Variants in UBE2E2 observed in about 807,000 individuals in gnomAD.
UBE2E2 encodes ubiquitin-conjugating enzyme E2 E2.
In UBE2E2, 6 loss-of-function variants were observed where a neutral mutation model predicts 24.7. The ratio of observed to expected loss-of-function variants is 0.24; its 90% CI spans 0.13 to 0.48. The LOEUF (loss-of-function observed/expected upper bound fraction) is 0.48, where lower values mean the gene tolerates loss of function less well. Ranked by LOEUF, UBE2E2 falls within the 20% of genes least tolerant of loss-of-function variation. The pLI is 0.99. For missense variants in UBE2E2, 169 were observed against 245.0 expected (o/e 0.69, Z 2.07); for synonymous variants, 104 against 83.6 (o/e 1.24, Z -1.33).
intron 5 of UBE2E2, among the ~76,000 whole-genome samples, chr3:23,585,919 T>A (rs1329111573): frequency 6.6e-6 from 1 of 151,854 alleles, no homozygotes; most frequent in African/African-American, 2.4e-5. Flanking sequence ...TTTTTTTTAT[T>A]ACCTTTTAGT....
intron 2 of UBE2E2, among the ~76,000 whole-genome samples, chr3:23,211,609 T>C (rs957920507): frequency 6.6e-6 from 1 of 152,044 alleles, no homozygotes; most frequent in Non-Finnish European, 1.5e-5. Context: ...TTGCTCAGGC[T>C]GGTCTTGAAC....
intron 3 of UBE2E2, among the ~76,000 whole-genome samples, chr3:23,382,545 A>G (rs1227081214): frequency 1.3e-5 from 2 of 152,178 alleles, no homozygotes; most frequent in Non-Finnish European, 2.9e-5. Context: ...TTTGGGAGAG[A>G]AGTTGATATT....
At chr3:23,435,873 G>A (rs770510162) in intron 3 of UBE2E2, among the ~76,000 whole-genome samples, 2 of 152,186 alleles carry the variant, frequency 1.3e-5, no homozygotes, top group African/African-American at 4.8e-5. Flanking sequence ...CCAAGGTCTG[G>A]TTTTGTGGAA....
chr3:23,349,908 T>C (rs992718552), intron 3 of UBE2E2, among the ~76,000 whole-genome samples: 2 of 152,198 alleles, frequency 1.3e-5, no homozygotes, highest in African/African-American at 2.4e-5. Flanking sequence ...CAGCTGGAGA[T>C]CTGAGAACGG....
At chr3:23,460,372 T>C (rs140695387) in intron 3 of UBE2E2, among the ~76,000 whole-genome samples, 1 of 152,348 alleles carries the variant, frequency 6.6e-6, no homozygotes, top group East Asian at 1.9e-4. Flanking sequence ...GTGTTATTGC[T>C]TAGTACTCAG....
chr3:23,306,910 AT>A (rs1488769746), intron 3 of UBE2E2, among the ~76,000 whole-genome samples: 1 of 152,202 alleles, frequency 6.6e-6, no homozygotes, highest in African/African-American at 2.4e-5. Flanking sequence ...TTAAACATTA[AT>A]TCAGCAAGAG....
chr3:23,352,350 A>G (rs1325650771), intron 3 of UBE2E2, among the ~76,000 whole-genome samples: 4 of 152,330 alleles, frequency 2.6e-5, no homozygotes, highest in East Asian at 1.9e-4. Flanking sequence ...AAACACATTC[A>G]AAACCTAGCA....
intron 3 of UBE2E2, among the ~76,000 whole-genome samples, chr3:23,348,674 A>C (rs898953202): frequency 1.3e-5 from 2 of 152,144 alleles, no homozygotes; most frequent in African/African-American, 4.8e-5. Flanking sequence ...GGGTGAGGCT[A>C]GGGTAAGAAT....
In UBE2E2 at chr3:23,388,531, G is replaced by A. The variant is rs573950379; in HGVS notation, c.228-111077G>A. The stretch of plus-strand genomic sequence containing the variant: ...CCGAGAGGTTTTAAAGCTTTTATTA[G>A]CACCTTAAAATATATGTAGCATTTT... On this transcript the variant is annotated intron_variant, in intron 3 of 5. Transcript: ENST00000396703. Among the ~76,000 whole-genome samples the A allele has an allele frequency of 1.1e-4, 17 of 152,198 alleles. No homozygotes were observed. In the South Asian group the frequency reaches 2.9e-3, roughly 26 times the overall value.
intron 3 of UBE2E2, among the ~76,000 whole-genome samples, chr3:23,237,216 G>GCTGT (rs1697135688): frequency 2.0e-5 from 3 of 152,152 alleles, no homozygotes; most frequent in African/African-American, 7.2e-5. Context: ...AGTTGTTGAT[G>GCTGT]CTGTTGTTGC....
intron 1 of UBE2E2, among the ~76,000 whole-genome samples, chr3:23,206,555 G>T (rs1014743035): frequency 2.0e-5 from 3 of 152,132 alleles, no homozygotes; most frequent in African/African-American, 4.8e-5. Context: ...ATCTGTTTCT[G>T]TTTGGCATGG....
intron 5 of UBE2E2, among the ~76,000 whole-genome samples, chr3:23,576,377 G>C (rs1383299708): frequency 6.6e-6 from 1 of 151,936 alleles, no homozygotes; most frequent in African/African-American, 2.4e-5. Context: ...CCAAGAAATG[G>C]CAAAGTGCAG....
intron 3 of UBE2E2, among the ~76,000 whole-genome samples, chr3:23,352,295 T>C (rs994559201): frequency 4.0e-5 from 6 of 151,612 alleles, no homozygotes; most frequent in African/African-American, 1.5e-4. Flanking sequence ...AGATCCAAAA[T>C]TGACACCCTA....
At chr3:23,293,685 A>G (rs550597285) in intron 3 of UBE2E2, among the ~76,000 whole-genome samples, 6 of 152,358 alleles carry the variant, frequency 3.9e-5, no homozygotes, top group Non-Finnish European at 5.9e-5. Flanking sequence ...TTTCCTCTAG[A>G]GTAAGACTAA....
At chr3:23,283,444 T>C (rs983983665) in intron 3 of UBE2E2, among the ~76,000 whole-genome samples, 33 of 152,114 alleles carry the variant, frequency 2.2e-4, no homozygotes, top group African/African-American at 7.5e-4. Flanking sequence ...TTTAGGTCGG[T>C]GGTTCTCTGA....
chr3:23,225,001 AGTG>A (rs2125327737), intron 3 of UBE2E2, among the ~76,000 whole-genome samples: 1 of 151,006 alleles, frequency 6.6e-6, no homozygotes, highest in South Asian at 2.1e-4. Flanking sequence ...GTAGATATGA[AGTG>A]GTATTTTGTT....
chr3:23,226,106 T>A (rs1696818129), intron 3 of UBE2E2, among the ~76,000 whole-genome samples: 1 of 152,214 alleles, frequency 6.6e-6, no homozygotes, highest in Non-Finnish European at 1.5e-5. Flanking sequence ...CTCGAACTCC[T>A]GATCCCAAGT....
intron 4 of UBE2E2, among the ~76,000 whole-genome samples, chr3:23,507,018 A>G (rs756225546): frequency 4.6e-5 from 7 of 152,230 alleles, no homozygotes; most frequent in Non-Finnish European, 1.0e-4. Flanking sequence ...ATAAAAGCCT[A>G]TAAAGCCATA....
chr3:23,376,110 G>T (rs1235229695), intron 3 of UBE2E2, among the ~76,000 whole-genome samples: 1 of 152,134 alleles, frequency 6.6e-6, no homozygotes, highest in Non-Finnish European at 1.5e-5. Context: ...TAAATTAAAT[G>T]TATGTGCCAT....
Sources: allele counts gnomAD v4.1 joint callset (sites outside exome capture counted in the v4.1 genomes callset), GRCh38; gene constraint gnomAD v4.1.1; transcripts MANE v1.5; gene names NCBI Gene and HGNC (gene_info 2026-07-23, HGNC 2026-07-21).